Variants in ADCY8 observed in about 807,000 individuals in gnomAD.
The protein encoded by ADCY8 is adenylate cyclase type 8.
Under a neutral mutation model 119.7 loss-of-function variants are expected in ADCY8, and 51 were observed. The observed-to-expected ratio is 0.43, with a 90% CI of 0.34 to 0.54. ADCY8 has a LOEUF of 0.54. ADCY8 is among the 20% of genes least tolerant of loss of function. ADCY8 has a pLI of 0.03. For missense variants in ADCY8, 1,383 were observed against 1,598.8 expected (o/e 0.87, Z 2.30); for synonymous variants, 665 against 651.0 (o/e 1.02, Z -0.33).
chr8:130,819,906 G>C (rs562675665), intron 13 of ADCY8, among the ~76,000 whole-genome samples: 1 of 152,208 alleles, frequency 6.6e-6, no homozygotes, highest in Non-Finnish European at 1.5e-5. Flanking sequence ...CACTGTGTTC[G>C]TATGCAGACA....
At position 130,783,715 on chromosome 8, in the gene ADCY8, A is replaced by G; in HGVS notation, c.3244T>C (p.Phe1082Leu). The G allele has an allele frequency of 6.2e-7, 1 of 1,613,502 alleles. No individual in the cohort carries two copies. Among genetic ancestry groups the G allele is most frequent in the Non-Finnish European group, 8.5e-7 (1 of 1,179,690 alleles). Residue 1082 changes from phenylalanine to leucine, a missense_variant, in exon 17 of 18, where the codon TTC becomes CTC. Around this residue, in one of 2 missense-constraint regions of ADCY8, gnomAD observed 928 missense variants for 1,163.5 expected, o/e 0.80. Coordinates refer to ENST00000286355, the MANE Select transcript of ADCY8 (RefSeq NM_001115.3). ...ESIQEINKHS[F>L]NNFELRIGIS... ...CCAATCCGGAGTTCAAAATTGTTGA[A>G]TGAATGCTTGTTGATCTCCTGTATG...
At chr8:131,013,083 T>C (rs1440245666) in intron 1 of ADCY8, among the ~76,000 whole-genome samples, 3 of 152,208 alleles carry the variant, frequency 2.0e-5, no homozygotes, top group African/African-American at 7.2e-5. Context: ...TGACTACCCA[T>C]ATATAATTTC....
At chr8:130,793,984 G>C (rs891789063) in intron 15 of ADCY8, among the ~76,000 whole-genome samples, 8 of 152,140 alleles carry the variant, frequency 5.3e-5, no homozygotes, top group African/African-American at 1.9e-4. Flanking sequence ...TTAGATTAGG[G>C]TGAGCCTTAA....
intron 5 of ADCY8, among the ~76,000 whole-genome samples, chr8:130,912,707 A>G (rs765360519): frequency 6.6e-6 from 1 of 152,320 alleles, no homozygotes; most frequent in Non-Finnish European, 1.5e-5. Context: ...GCAACCTGTG[A>G]ACATTAGAAG....
At chr8:130,888,968 G>A (rs1470779845) in intron 7 of ADCY8, among the ~76,000 whole-genome samples, 1 of 152,036 alleles carries the variant, frequency 6.6e-6, no homozygotes, top group Non-Finnish European at 1.5e-5. Flanking sequence ...CAGTTTTGTT[G>A]AGTCAAAACC....
In ADCY8 at chr8:131,007,941, T is replaced by C. The variant is rs147617623; in HGVS notation, c.961-17399A>G. ...CACATGAACAGCTGATTTTATTGAA[T>C]ATCTACTGTGTCATAGGCATTGCTA... On this transcript the variant is annotated intron_variant, in intron 1 of 17. Transcript: ENST00000286355. 1.6e-3 allele frequency among the ~76,000 whole-genome samples: 238 copies of C among 152,304 alleles called. 1 individual carries two copies. The Middle Eastern group carries it at 0.027, about 17-fold the overall frequency.
At chr8:130,786,068 A>G (rs890856034) in intron 15 of ADCY8, among the ~76,000 whole-genome samples, 1 of 152,176 alleles carries the variant, frequency 6.6e-6, no homozygotes, top group African/African-American at 2.4e-5. Context: ...CACCTTATTT[A>G]AAATTGAACG....
At chr8:130,997,410 C>T (rs915138589) in intron 1 of ADCY8, among the ~76,000 whole-genome samples, 1 of 152,158 alleles carries the variant, frequency 6.6e-6, no homozygotes, top group African/African-American at 2.4e-5. Context: ...GTGTCAAGAT[C>T]TACACTTAGA....
At chr8:130,993,750 C>CT (rs1294257679) in intron 1 of ADCY8, among the ~76,000 whole-genome samples, 1 of 152,190 alleles carries the variant, frequency 6.6e-6, no homozygotes, top group Admixed American at 6.5e-5. Flanking sequence ...ACGTGGAACT[C>CT]TGAGTCCATT....
At chr8:130,915,992 C>T (rs900325285) in intron 5 of ADCY8, among the ~76,000 whole-genome samples, 6 of 152,134 alleles carry the variant, frequency 3.9e-5, no homozygotes, top group African/African-American at 1.2e-4. Flanking sequence ...AGGTCAACTA[C>T]GTTCATTGCC....
rs150717091 is a variant in ADCY8, at chr8:130,791,813, T to C, written c.3061-6338A>G. 7.5e-3 allele frequency among the ~76,000 whole-genome samples: 1,145 copies of C among 152,342 alleles called. 14 individuals are homozygous for C. The highest frequency in any genetic ancestry group is 0.026 in the African/African-American group (1,070 of 41,598). The stretch of plus-strand genomic sequence containing the variant: ...GTTTACAGGTCCATCCCTTGTCATG[T>C]AGGCATGCTGCTCCAGCATTCTCCT... On this transcript the variant is annotated intron_variant, in intron 15 of 17. Coordinates refer to ENST00000286355, the MANE Select transcript of ADCY8 (RefSeq NM_001115.3).
chr8:130,933,847 C>A (rs1417244825), intron 5 of ADCY8, among the ~76,000 whole-genome samples: 1 of 152,320 alleles, frequency 6.6e-6, no homozygotes, highest in Non-Finnish European at 1.5e-5. Context: ...GGCTAAGATA[C>A]AAATCCTTAT....
chr8:130,851,912 G>A (rs957035065), intron 9 of ADCY8, among the ~76,000 whole-genome samples: 4 of 152,210 alleles, frequency 2.6e-5, no homozygotes, highest in African/African-American at 4.8e-5. Context: ...TCCAGGCAGT[G>A]AGGGACAATT....
chr8:131,039,333 G>A (rs769540093), intron 1 of ADCY8, 41 bp downstream of exon 1: 2 of 1,599,280 alleles, frequency 1.3e-6, no homozygotes, highest in Non-Finnish European at 1.7e-6. Flanking sequence ...ATAACCCGGG[G>A]AAGTTAGAGG....
At chr8:131,009,150 CAATGGGGAA>C (rs1444911392) in intron 1 of ADCY8, among the ~76,000 whole-genome samples, 3 of 152,204 alleles carry the variant, frequency 2.0e-5, no homozygotes, top group Non-Finnish European at 4.4e-5. Flanking sequence ...ATCACCAAGA[CAATGGGGAA>C]AATGTCTGCA....
chr8:130,979,275 G>A (rs78217381), intron 2 of ADCY8, among the ~76,000 whole-genome samples: 2,697 of 152,208 alleles, frequency 0.018, 80 homozygotes, highest in African/African-American at 0.061. Context: ...GGGCTACTGG[G>A]TCTTTTCCTC....
chr8:130,863,837 G>A (rs867368306), intron 9 of ADCY8, among the ~76,000 whole-genome samples: 2 of 151,888 alleles, frequency 1.3e-5, no homozygotes, highest in African/African-American at 4.8e-5. Flanking sequence ...TGTTAATATT[G>A]TTGCTTTAAA....
At chr8:130,901,302 C>A (rs928184149) in intron 7 of ADCY8, among the ~76,000 whole-genome samples, 18 of 133,002 alleles carry the variant, frequency 1.4e-4, no homozygotes, top group Non-Finnish European at 2.6e-4. Flanking sequence ...CTCAATTAAT[C>A]CTTATTGAAT....
intron 1 of ADCY8, among the ~76,000 whole-genome samples, chr8:131,010,660 C>T (rs1330629061): frequency 1.3e-5 from 2 of 152,162 alleles, no homozygotes; most frequent in African/African-American, 4.8e-5. Context: ...TGTTCATGAG[C>T]ATTTGACATG....
Sources: allele counts gnomAD v4.1 joint callset (sites outside exome capture counted in the v4.1 genomes callset), GRCh38; gene constraint gnomAD v4.1.1; regional missense constraint gnomAD v4.1.1; transcripts MANE v1.5; gene names NCBI Gene and HGNC (gene_info 2026-07-23, HGNC 2026-07-21).